CADPS2: variants seen among roughly 807,000 people sequenced by gnomAD.
CADPS2 encodes the protein calcium dependent secretion activator 2, also known as calcium-dependent secretion activator 2.
Under a neutral mutation model 172.5 loss-of-function variants are expected in CADPS2, and 93 were observed. That is an observed-to-expected ratio of 0.54 (90% CI 0.46 to 0.64). The LOEUF is 0.64. Ranked by LOEUF, CADPS2 falls within the 30% of genes least tolerant of loss-of-function variation. The pLI is 0.00. For missense variants in CADPS2, 1,420 were observed against 1,565.9 expected (o/e 0.91, Z 1.57); for synonymous variants, 546 against 555.2 (o/e 0.98, Z 0.23).
chr7:122,518,453 T>A (rs1191161744), intron 8 of CADPS2, among the ~76,000 whole-genome samples: 1 of 152,150 alleles, frequency 6.6e-6, no homozygotes, highest in African/African-American at 2.4e-5. Context: ...TTGTTTTTTA[T>A]GTTATTATCA....
At chr7:122,489,215 C>A (rs1039354045) in intron 11 of CADPS2, among the ~76,000 whole-genome samples, 17 of 152,028 alleles carry the variant, frequency 1.1e-4, no homozygotes, top group Admixed American at 3.9e-4. Context: ...AACTAAAGTG[C>A]CTTTGTTTAG....
chr7:122,422,625 C>T lies in CADPS2; in HGVS notation c.2477-6461G>A, dbSNP rs114907371. The stretch of plus-strand genomic sequence containing the variant: ...TCAGAAAATACTCTATCTTAGGTAA[C>T]TCATCAATGTTAGATGCCTTCTGTT... On this transcript the variant is annotated intron_variant, in intron 17 of 29. Transcript: ENST00000449022. Among the ~76,000 whole-genome samples the T allele has an allele frequency of 6.4e-3, 979 of 152,220 alleles. 11 individuals carry two copies. The highest frequency in any genetic ancestry group is 0.02 in the African/African-American group (831 of 41,538).
intron 8 of CADPS2, among the ~76,000 whole-genome samples, chr7:122,543,320 A>G (rs1317562673): frequency 6.6e-6 from 1 of 152,098 alleles, no homozygotes; most frequent in Non-Finnish European, 1.5e-5. Context: ...TTTGGTTAAC[A>G]GCTGTTCCAT....
At chr7:122,495,195 C>T (rs1010049633) in intron 9 of CADPS2, among the ~76,000 whole-genome samples, 5 of 152,022 alleles carry the variant, frequency 3.3e-5, no homozygotes, top group Admixed American at 6.6e-5. Context: ...ATTCATCATT[C>T]GGCTTTGTTG....
intron 1 of CADPS2, among the ~76,000 whole-genome samples, chr7:122,852,063 A>C (rs1813810405): frequency 6.6e-6 from 1 of 152,242 alleles, no homozygotes; most frequent in African/African-American, 2.4e-5. Context: ...TTGAATCCAG[A>C]AGTCTTTACT....
Position 122,318,581 on chromosome 7 carries a change from T to C in CADPS2, c.*1584A>G, listed in dbSNP as rs370097607. On this transcript the variant is annotated 3_prime_UTR_variant, in exon 30 of 30. Transcript: ENST00000449022. ...TTTGAGGGTTTGGAGAAAATAGTAT[T>C]TGGTGTGTGAATAGAGAAGAAAAGG... 2 of 152,240 alleles carry C rather than the reference T, an allele frequency of 1.3e-5. No homozygotes were observed. Among genetic ancestry groups the C allele is most frequent in the East Asian group, 1.9e-4 (1 of 5,180 alleles). 9.4% of individuals were successfully genotyped at this position (152,240 alleles called of 1,614,324 possible). A position where few individuals can be genotyped will look rare whatever the true frequency, so the allele number is the denominator to read the frequency against.
chr7:122,807,892 C>A (rs1415482340), intron 1 of CADPS2, among the ~76,000 whole-genome samples: 1 of 152,142 alleles, frequency 6.6e-6, no homozygotes, highest in Non-Finnish European at 1.5e-5. Context: ...TCTGTAAAGA[C>A]CTTATCTCCA....
Position 122,480,100 on chromosome 7 carries a change from A to G in CADPS2, c.1861+752T>C, listed in dbSNP as rs1459715013. Reference sequence around the variant, plus strand: ...ATCAATCTGGCAACTCTAGCACGTTACATTTTAAGTGAAAAAATTGGTTAC... The same window carrying G: ...ATCAATCTGGCAACTCTAGCACGTTGCATTTTAAGTGAAAAAATTGGTTAC... On this transcript the variant is annotated intron_variant, in intron 12 of 29. Coordinates refer to ENST00000449022, the MANE Select transcript of CADPS2 (RefSeq NM_017954.11). The G allele has an allele frequency of 3.4e-5, 16 of 471,614 alleles. 1 individual carries two copies. The Admixed American group carries it at 3.8e-4, about 11-fold the overall frequency. 29.2% of individuals were successfully genotyped at this position (471,614 alleles called of 1,614,324 possible).
At chr7:122,735,665 TCA>T (rs1160223238) in intron 2 of CADPS2, among the ~76,000 whole-genome samples, 2 of 152,180 alleles carry the variant, frequency 1.3e-5, no homozygotes, top group African/African-American at 4.8e-5. Context: ...TGATCCAATT[TCA>T]GTTTCCCTAA....
chr7:122,784,370 A>C lies in CADPS2; in HGVS notation c.340-47302T>G, dbSNP rs184872866. Among the ~76,000 whole-genome samples, 12 of 152,246 alleles carry C rather than the reference A, an allele frequency of 7.9e-5. No homozygotes were observed. The East Asian group carries it at 2.3e-3, about 29-fold the overall frequency. On this transcript the variant is annotated intron_variant, in intron 1 of 29. Transcript: ENST00000449022. ...TACAAATCCCAAAACAGCTATCTCC[A>C]TCCATGTACTTTCTAAATACATACG...
chr7:122,770,295 G>C (rs1386389839), intron 1 of CADPS2, among the ~76,000 whole-genome samples: 2 of 152,060 alleles, frequency 1.3e-5, no homozygotes, highest in African/African-American at 2.4e-5. Context: ...GTAGTAAGTA[G>C]GAAGGGAATA....
intron 17 of CADPS2, among the ~76,000 whole-genome samples, chr7:122,416,915 C>T (rs2047991964): frequency 6.6e-6 from 1 of 152,186 alleles, no homozygotes; most frequent in Admixed American, 6.5e-5. Context: ...TAAAGAAGCC[C>T]TGTGTAATGA....
chr7:122,697,083 C>A (rs920236059), intron 2 of CADPS2, among the ~76,000 whole-genome samples: 1 of 151,990 alleles, frequency 6.6e-6, no homozygotes, highest in Non-Finnish European at 1.5e-5. Flanking sequence ...GTATCAAAGT[C>A]GTTCTATGTA....
At chr7:122,556,326 A>C (rs957487862) in intron 7 of CADPS2, among the ~76,000 whole-genome samples, 1 of 152,090 alleles carries the variant, frequency 6.6e-6, no homozygotes, top group Non-Finnish European at 1.5e-5. Flanking sequence ...AGATCTCTAT[A>C]TCCTCTGTAG....
At chr7:122,328,895 A>C (rs1359480075) in intron 28 of CADPS2, among the ~76,000 whole-genome samples, 2 of 152,160 alleles carry the variant, frequency 1.3e-5, no homozygotes, top group Non-Finnish European at 2.9e-5. Context: ...GAGCACGGAA[A>C]ACAGAACATC....
intron 27 of CADPS2, among the ~76,000 whole-genome samples, chr7:122,358,412 T>C (rs1304074789): frequency 1.3e-5 from 2 of 152,170 alleles, no homozygotes; most frequent in African/African-American, 4.8e-5. Flanking sequence ...TTCCCATTTG[T>C]GGCTTTTCTT....
intron 8 of CADPS2, among the ~76,000 whole-genome samples, chr7:122,524,857 G>A (rs1563592535): frequency 6.6e-6 from 1 of 152,200 alleles, no homozygotes; most frequent in East Asian, 1.9e-4. Context: ...CTATAAAAAT[G>A]TATGTTTGGG....
At chr7:122,596,542 T>A (rs2071819129) in intron 6 of CADPS2, among the ~76,000 whole-genome samples, 1 of 152,134 alleles carries the variant, frequency 6.6e-6, no homozygotes, top group African/African-American at 2.4e-5. Flanking sequence ...GCGTGAAATG[T>A]AAACAAATAC....
chr7:122,497,742 T>A (rs981842117), intron 9 of CADPS2, among the ~76,000 whole-genome samples: 3 of 152,220 alleles, frequency 2.0e-5, no homozygotes, highest in Non-Finnish European at 4.4e-5. Flanking sequence ...TGTGTTCAAT[T>A]TCTTTCTTCC....
Sources: gnomAD v4.1 joint callset for allele counts (sites outside exome capture counted in the v4.1 genomes callset) on GRCh38, gnomAD v4.1.1 for gene constraint, MANE v1.5 for transcripts, NCBI Gene and HGNC (gene_info 2026-07-23, HGNC 2026-07-21) for gene names.